Variants in DHRS12 observed in about 807,000 individuals in gnomAD.
DHRS12 encodes the protein dehydrogenase/reductase 12.
A neutral mutation model predicts 32.1 loss-of-function variants in DHRS12; 29 were observed. That is an observed-to-expected ratio of 0.90 (90% CI 0.67 to 1.23). DHRS12 has a LOEUF of 1.23. Among genes scored for constraint, DHRS12 ranks in the 50% most tolerant of loss-of-function variants. DHRS12 has a pLI of 0.00. For missense variants in DHRS12, 330 were observed against 337.2 expected (o/e 0.98, Z 0.17); for synonymous variants, 150 against 135.9 (o/e 1.10, Z -0.72).
chr13:51,803,991 T>C, intron 1 of DHRS12, 63 bp downstream of exon 1: 1 of 1,382,218 alleles, frequency 7.2e-7, no homozygotes, highest in Non-Finnish European at 9.4e-7. Flanking sequence ...CCAACCCTGC[T>C]CGCCCGCGCC....
At chr13:51,770,125 CCCT>C (rs1466733344) in intron 7 of DHRS12, among the ~76,000 whole-genome samples, 1 of 152,198 alleles carries the variant, frequency 6.6e-6, no homozygotes, top group Non-Finnish European at 1.5e-5. Context: ...TAAGCAAAAG[CCCT>C]CCTTTTTTAA....
chr13:51,764,075 G>A (rs527683218), downstream of DHRS12: 30 of 152,296 alleles, frequency 2.0e-4, no homozygotes, highest in African/African-American at 6.7e-4. Flanking sequence ...CTGGTACGAA[G>A]ACAGATATTT....
In DHRS12 at chr13:51,785,769, G is replaced by A. The variant is rs1341833769; in HGVS notation, c.301+4242C>T. ...CATGCTTATCATTGTACACCCCTGA[G>A]ATTTTGGAGTTGTTTCATAGCAATA... On this transcript the variant is annotated intron_variant, in intron 4 of 8. Coordinates refer to ENST00000444610, the MANE Select transcript of DHRS12 (RefSeq NM_001377533.1). 3.3e-5 allele frequency among the ~76,000 whole-genome samples: 5 copies of A among 152,194 alleles called. No individual in the cohort carries two copies. In the East Asian group the frequency reaches 9.6e-4, roughly 29 times the overall value.
chr13:51,803,996 C>A, intron 1 of DHRS12, 58 bp downstream of exon 1: 1 of 1,399,570 alleles, frequency 7.1e-7, no homozygotes, highest in South Asian at 1.5e-5. Flanking sequence ...CCTGCTCGCC[C>A]GCGCCGAGGC....
chr13:51,774,268 A>AT (rs766452158), intron 5 of DHRS12: 11 of 366,992 alleles, frequency 3.0e-5, no homozygotes, highest in Admixed American at 6.6e-5. Context: ...ATTCTCCTAC[A>AT]GTATTCTCCT....
At chr13:51,771,462 C>T (rs1309777278) in intron 7 of DHRS12, 2 of 1,614,202 alleles carry the variant, frequency 1.2e-6, no homozygotes, top group Non-Finnish European at 1.7e-6. Context: ...CTGGGCCTCT[C>T]CCACTACCTT....
intron 4 of DHRS12, chr13:51,789,518 G>C: frequency 2.0e-6 from 2 of 983,230 alleles, no homozygotes; most frequent in Non-Finnish European, 2.4e-6. Context: ...TGAGGCTGCT[G>C]GTCTGGGAAC....
chr13:51,800,305 T>C (rs1197146637), intron 1 of DHRS12, among the ~76,000 whole-genome samples: 1 of 152,238 alleles, frequency 6.6e-6, no homozygotes, highest in African/African-American at 2.4e-5. Flanking sequence ...AGGTATTTTT[T>C]CTGATTTGCA....
chr13:51,797,637 C>G (rs1454622690), intron 2 of DHRS12, among the ~76,000 whole-genome samples: 1 of 152,168 alleles, frequency 6.6e-6, no homozygotes, highest in Non-Finnish European at 1.5e-5. Flanking sequence ...TCAGTGCCCC[C>G]ACTTATCCCC....
intron 4 of DHRS12, among the ~76,000 whole-genome samples, chr13:51,788,096 C>T (rs1165038289): frequency 6.6e-6 from 1 of 151,392 alleles, no homozygotes; most frequent in East Asian, 1.9e-4. Context: ...AAGGACCCTG[C>T]ACCTGGTTTA....
At chr13:51,756,298 C>A in the DHRS12 span, 1 of 1,594,654 alleles carries the variant, frequency 6.3e-7, no homozygotes, top group Non-Finnish European at 8.6e-7. Flanking sequence ...CTGAGGGAGC[C>A]GTGATGAGTA....
intron 4 of DHRS12, among the ~76,000 whole-genome samples, chr13:51,781,934 C>A (rs1954731284): frequency 6.6e-6 from 1 of 152,174 alleles, no homozygotes; most frequent in South Asian, 2.1e-4. Context: ...CCATATTACT[C>A]CACTACATCA....
downstream of DHRS12, chr13:51,764,712 TA>T (rs931938645): frequency 3.3e-5 from 5 of 152,264 alleles, no homozygotes; most frequent in African/African-American, 9.6e-5. Flanking sequence ...TGGAAATCCC[TA>T]GAACTGTTAA....
At chr13:51,781,109 C>T (rs1281167688) in intron 4 of DHRS12, among the ~76,000 whole-genome samples, 1 of 152,156 alleles carries the variant, frequency 6.6e-6, no homozygotes, top group Non-Finnish European at 1.5e-5. Flanking sequence ...TTCTTTTGTA[C>T]AGTAACAAAA....
At chr13:51,771,954 G>A (rs1402494966) in intron 6 of DHRS12, 43 bp from the exon 7 acceptor site, 17 of 1,592,068 alleles carry the variant, frequency 1.1e-5, no homozygotes, top group Admixed American at 3.3e-5. Flanking sequence ...GAGAGGAGGC[G>A]CCATTAGGTG....
chr13:51,763,824 G>T (rs1463417945), downstream of DHRS12: 1 of 152,136 alleles, frequency 6.6e-6, no homozygotes, highest in African/African-American at 2.4e-5. Flanking sequence ...ATTTATTTTT[G>T]CCTGATATTA....
At chr13:51,760,394 G>A in the DHRS12 span, 2 of 151,944 alleles carry the variant, frequency 1.3e-5, no homozygotes, top group Admixed American at 6.6e-5. Context: ...CCTCATTCAC[G>A]TTCTTATGAA....
intron 2 of DHRS12, chr13:51,798,025 G>C (rs1566308847): frequency 7.7e-6 from 8 of 1,045,296 alleles, no homozygotes; most frequent in East Asian, 2.6e-5. Flanking sequence ...GTTAAGCCTA[G>C]ATGGGTGGTT....
intron 8 of DHRS12, 132 bp from the exon 9 acceptor site, chr13:51,768,428 C>G: frequency 6.8e-7 from 1 of 1,465,486 alleles, no homozygotes; most frequent in Non-Finnish European, 9.0e-7. Context: ...GACCCCCATC[C>G]CTGCTGTCAA....
Sources: allele counts gnomAD v4.1 joint callset (sites outside exome capture counted in the v4.1 genomes callset), GRCh38; gene constraint gnomAD v4.1.1; transcripts MANE v1.5; gene names NCBI Gene and HGNC (gene_info 2026-07-23, HGNC 2026-07-21).